Variants in ESRRG observed in about 807,000 individuals in gnomAD.
The protein encoded by ESRRG is estrogen-related receptor gamma.
In ESRRG, 13 loss-of-function variants were observed where a neutral mutation model predicts 44.0. That is an observed-to-expected ratio of 0.30 (90% CI 0.19 to 0.47). ESRRG has a LOEUF of 0.47. Among genes scored for constraint, ESRRG ranks in the 20% least tolerant of loss-of-function variants. The pLI is 1.00. For synonymous variants in ESRRG, 215 were observed against 214.6 expected, an observed-to-expected ratio of 1.00 and a Z score of -0.02; for missense variants, 395 against 580.6, an observed-to-expected ratio of 0.68 and a Z score of 3.29.
At chr1:216,994,826 C>A (rs906687294) in intron 1 of ESRRG, among the ~76,000 whole-genome samples, 2 of 152,002 alleles carry the variant, frequency 1.3e-5, no homozygotes, top group Non-Finnish European at 2.9e-5. Flanking sequence ...ACCTCGTGAT[C>A]CACCCACCTC....
chr1:217,034,287 T>C (rs1416531), intron 1 of ESRRG, among the ~76,000 whole-genome samples: 90,591 of 152,052 alleles, frequency 0.6, 27,065 homozygotes, highest in East Asian at 0.7. Flanking sequence ...CTCTTTGGCT[T>C]CTACATAAAT....
chr1:216,747,692 T>C (rs2091563639), intron 2 of ESRRG, among the ~76,000 whole-genome samples: 1 of 152,224 alleles, frequency 6.6e-6, no homozygotes, highest in African/African-American at 2.4e-5. Flanking sequence ...ATTTGTGGAC[T>C]TTGAGCGAAA....
At position 216,817,802 on chromosome 1, in the gene ESRRG, C is replaced by T. The variant is rs142023917; in HGVS notation, c.-14+121780G>A. On this transcript the variant is annotated intron_variant, in intron 2 of 7. Transcript: ENST00000359162. ...GCTTGATACACATTTAAAATTACTG[C>T]CTACTACGGCAAAGCCAAATTCCTA... Among the ~76,000 whole-genome samples, 1,014 of 152,254 alleles carry T rather than the reference C, an allele frequency of 6.7e-3. 14 individuals carry two copies. The highest frequency in any genetic ancestry group is 0.023 in the African/African-American group (941 of 41,536).
chr1:216,597,461 G>C (rs2058605718), intron 3 of ESRRG, among the ~76,000 whole-genome samples: 1 of 152,162 alleles, frequency 6.6e-6, no homozygotes, highest in Non-Finnish European at 1.5e-5. Context: ...ACAGAGAACA[G>C]CTGTGGCAGA....
At chr1:217,038,376 T>C (rs2083285550) in intron 1 of ESRRG, among the ~76,000 whole-genome samples, 1 of 152,226 alleles carries the variant, frequency 6.6e-6, no homozygotes. Context: ...ATTAGCTCCT[T>C]ACAGTTAAAC....
At chr1:216,712,943 C>T (rs982933368) in intron 1 of ESRRG, among the ~76,000 whole-genome samples, 1 of 152,160 alleles carries the variant, frequency 6.6e-6, no homozygotes, top group Non-Finnish European at 1.5e-5. Context: ...GGAACTAGTA[C>T]TGAACAAAGG....
At chr1:216,631,322 A>G (rs1441463474) in intron 3 of ESRRG, among the ~76,000 whole-genome samples, 1 of 152,216 alleles carries the variant, frequency 6.6e-6, no homozygotes, top group African/African-American at 2.4e-5. Context: ...CCATGTTAGT[A>G]GCAAGGAGAA....
At chr1:216,572,245 T>C (rs993072191) in intron 3 of ESRRG, among the ~76,000 whole-genome samples, 1 of 152,066 alleles carries the variant, frequency 6.6e-6, no homozygotes, top group African/African-American at 2.4e-5. Flanking sequence ...CTGAAAGTAA[T>C]CATCAATTTA....
At chr1:216,905,986 G>A (rs1054284326) in intron 2 of ESRRG, among the ~76,000 whole-genome samples, 25 of 152,164 alleles carry the variant, frequency 1.6e-4, no homozygotes, top group African/African-American at 4.3e-4. Context: ...TCTGACCTCA[G>A]GCAATCTGGC....
At chr1:216,567,709 A>G (rs184589614) in intron 4 of ESRRG, among the ~76,000 whole-genome samples, 1 of 152,334 alleles carries the variant, frequency 6.6e-6, no homozygotes, top group African/African-American at 2.4e-5. Flanking sequence ...AATTCACACT[A>G]TATAAGCTAT....
At chr1:216,551,730 G>T (rs188785027) in intron 5 of ESRRG, among the ~76,000 whole-genome samples, 2 of 152,242 alleles carry the variant, frequency 1.3e-5, no homozygotes, top group East Asian at 3.9e-4. Context: ...ATGCTTACAT[G>T]GTATGTTCAA....
chr1:217,120,642 G>A (rs2092806858), intron 1 of ESRRG, among the ~76,000 whole-genome samples: 1 of 151,994 alleles, frequency 6.6e-6, no homozygotes, highest in South Asian at 2.1e-4. Context: ...ATTGAACTAG[G>A]TTTTTATTCA....
chr1:217,044,034 T>G (rs752750351), intron 1 of ESRRG, among the ~76,000 whole-genome samples: 8 of 151,842 alleles, frequency 5.3e-5, no homozygotes, highest in Admixed American at 1.3e-4. Context: ...AAAAAAAAAG[T>G]GTGGATCATT....
intron 1 of ESRRG, among the ~76,000 whole-genome samples, chr1:217,102,103 G>A (rs1172166302): frequency 6.6e-6 from 1 of 152,232 alleles, no homozygotes; most frequent in Non-Finnish European, 1.5e-5. Context: ...ACCGCACCCT[G>A]CCTAAACCAA....
intron 1 of ESRRG, among the ~76,000 whole-genome samples, chr1:217,016,969 C>T (rs557263345): frequency 2.6e-5 from 4 of 152,118 alleles, no homozygotes; most frequent in South Asian, 2.1e-4. Flanking sequence ...GAGACATAAC[C>T]GAAAAGCCTG....
chr1:217,013,688 C>T (rs2078954778), intron 1 of ESRRG, among the ~76,000 whole-genome samples: 1 of 152,132 alleles, frequency 6.6e-6, no homozygotes, highest in African/African-American at 2.4e-5. Context: ...TTGAAGTATA[C>T]ATTAGCAACA....
At chr1:217,020,704 CT>C (rs2080160425) in intron 1 of ESRRG, among the ~76,000 whole-genome samples, 1 of 152,164 alleles carries the variant, frequency 6.6e-6, no homozygotes, top group African/African-American at 2.4e-5. Context: ...TTATAAGGTG[CT>C]GTTGAAAAAT....
chr1:216,585,174 G>A (rs932761962), intron 3 of ESRRG, among the ~76,000 whole-genome samples: 7 of 152,086 alleles, frequency 4.6e-5, no homozygotes, highest in African/African-American at 1.2e-4. Context: ...CATTTTTCAC[G>A]ATTCCTTGAT....
intron 2 of ESRRG, among the ~76,000 whole-genome samples, chr1:216,875,969 G>A (rs1053714698): frequency 2.6e-5 from 4 of 152,004 alleles, no homozygotes; most frequent in African/African-American, 9.7e-5. Context: ...TGGATATCAG[G>A]CAAAAATGAA....
Sources: allele counts gnomAD v4.1 joint callset (sites outside exome capture counted in the v4.1 genomes callset), GRCh38; gene constraint gnomAD v4.1.1; transcripts MANE v1.5; gene names NCBI Gene and HGNC (gene_info 2026-07-23, HGNC 2026-07-21).